NR6A1: variants seen among roughly 807,000 people sequenced by gnomAD.
NR6A1 encodes retinoic acid receptor-related testis-associated receptor.
In NR6A1, 7 loss-of-function variants were observed where a neutral mutation model predicts 59.1. That is an observed-to-expected ratio of 0.12 (90% CI 0.07 to 0.22). The LOEUF (loss-of-function observed/expected upper bound fraction) is 0.22, where lower values mean the gene tolerates loss of function less well. Among genes scored for constraint, NR6A1 ranks in the 10% least tolerant of loss-of-function variants. NR6A1 has a pLI of 1.00. For synonymous variants in NR6A1, 243 were observed against 236.1 expected, an observed-to-expected ratio of 1.03 and a Z score of -0.27; for missense variants, 468 against 611.6, an observed-to-expected ratio of 0.77 and a Z score of 2.48.
chr9:124,731,370 G>GAAA (rs779705280), intron 2 of NR6A1, among the ~76,000 whole-genome samples: 1 of 108,810 alleles, frequency 9.2e-6, no homozygotes, highest in Non-Finnish European at 1.9e-5. Flanking sequence ...ACTCCATCTC[G>GAAA]AAAAAAAAAA....
intron 2 of NR6A1, among the ~76,000 whole-genome samples, chr9:124,669,358 C>T (rs185080325): frequency 6.6e-6 from 1 of 151,970 alleles, no homozygotes; most frequent in Non-Finnish European, 1.5e-5. Context: ...AACAAATAAC[C>T]AAAAATGGCA....
At chr9:124,563,338 G>A (rs1282013941) in intron 2 of NR6A1, among the ~76,000 whole-genome samples, 1 of 152,136 alleles carries the variant, frequency 6.6e-6, no homozygotes, top group Non-Finnish European at 1.5e-5. Flanking sequence ...AGTGTGCAGT[G>A]GAGTACTGGA....
chr9:124,766,051 A>C (rs954110995), intron 1 of NR6A1, among the ~76,000 whole-genome samples: 2 of 152,214 alleles, frequency 1.3e-5, no homozygotes, highest in African/African-American at 4.8e-5. Context: ...GATTCTAGAA[A>C]TACTGTATAT....
chr9:124,583,671 C>T (rs1384402447), intron 2 of NR6A1, among the ~76,000 whole-genome samples: 2 of 152,154 alleles, frequency 1.3e-5, no homozygotes, highest in Non-Finnish European at 2.9e-5. Flanking sequence ...GAACTCACGG[C>T]ATACTCGGTC....
intron 2 of NR6A1, among the ~76,000 whole-genome samples, chr9:124,620,104 T>A (rs1175571358): frequency 6.6e-6 from 1 of 152,204 alleles, no homozygotes; most frequent in Non-Finnish European, 1.5e-5. Context: ...TTGTTTTATA[T>A]ACATATATAA....
intron 2 of NR6A1, among the ~76,000 whole-genome samples, chr9:124,583,669 G>A (rs111480481): frequency 4.6e-4 from 70 of 152,062 alleles, no homozygotes; most frequent in African/African-American, 1.6e-3. Context: ...TAGAACTCAC[G>A]GCATACTCGG....
At chr9:124,627,376 T>C (rs974820203) in intron 2 of NR6A1, among the ~76,000 whole-genome samples, 1 of 152,146 alleles carries the variant, frequency 6.6e-6, no homozygotes, top group Non-Finnish European at 1.5e-5. Flanking sequence ...TTTATTTCCA[T>C]ACCATTTTTT....
chr9:124,732,259 A>G (rs963667623), intron 2 of NR6A1, among the ~76,000 whole-genome samples: 1 of 152,236 alleles, frequency 6.6e-6, no homozygotes, highest in Non-Finnish European at 1.5e-5. Flanking sequence ...CAGCCGTAAC[A>G]AAGTACTACA....
chr9:124,610,085 C>T (rs1276648698), intron 2 of NR6A1, among the ~76,000 whole-genome samples: 1 of 152,094 alleles, frequency 6.6e-6, no homozygotes, highest in African/African-American at 2.4e-5. Flanking sequence ...ATTTGAATAC[C>T]TTTATTTCTT....
At chr9:124,564,741 A>G (rs942433002) in intron 2 of NR6A1, among the ~76,000 whole-genome samples, 1 of 151,654 alleles carries the variant, frequency 6.6e-6, no homozygotes, top group Non-Finnish European at 1.5e-5. Flanking sequence ...TGAAATGTAT[A>G]CGGAAATGCA....
chr9:124,667,363 A>G (rs982692343), intron 2 of NR6A1, among the ~76,000 whole-genome samples: 1 of 152,114 alleles, frequency 6.6e-6, no homozygotes, highest in Non-Finnish European at 1.5e-5. Context: ...ATTCATGTAT[A>G]TGAGAATATA....
intron 2 of NR6A1, among the ~76,000 whole-genome samples, chr9:124,560,744 A>G (rs561022344): frequency 6.6e-5 from 10 of 152,168 alleles, no homozygotes; most frequent in African/African-American, 2.4e-4. Context: ...TATTTTTAGT[A>G]GAGACAGGGT....
At position 124,677,187 on chromosome 9, in the gene NR6A1, G is replaced by T. The variant is rs146647034; in HGVS notation, c.142+56121C>A. On this transcript the variant is annotated intron_variant, in intron 2 of 9. Transcript: ENST00000487099. ...GTGATAGGATTATGTTTCCTATCAT[G>T]AAATATTTCAAATTTTCATATATGG... 5.9e-4 allele frequency among the ~76,000 whole-genome samples: 90 copies of T among 152,236 alleles called. 1 individual carries two copies. In the East Asian group the frequency reaches 0.017, roughly 28 times the overall value.
At chr9:124,665,396 T>C (rs1277441806) in intron 2 of NR6A1, among the ~76,000 whole-genome samples, 1 of 152,154 alleles carries the variant, frequency 6.6e-6, no homozygotes, top group East Asian at 1.9e-4. Flanking sequence ...AATGGAGTCA[T>C]CAAGCCATTA....
intron 2 of NR6A1, among the ~76,000 whole-genome samples, chr9:124,665,686 G>A (rs1236432621): frequency 1.3e-5 from 2 of 152,144 alleles, no homozygotes; most frequent in Admixed American, 1.3e-4. Flanking sequence ...AATGACACAT[G>A]CTATAATGAT....
intron 2 of NR6A1, among the ~76,000 whole-genome samples, chr9:124,669,347 A>T (rs1837719156): frequency 6.6e-6 from 1 of 152,254 alleles, no homozygotes; most frequent in Non-Finnish European, 1.5e-5. Context: ...TTATCAAGGT[A>T]AACAAATAAC....
chr9:124,609,695 T>C (rs185618364), intron 2 of NR6A1, among the ~76,000 whole-genome samples: 1 of 152,324 alleles, frequency 6.6e-6, no homozygotes, highest in East Asian at 1.9e-4. Flanking sequence ...TAAATAACTT[T>C]AGGTGGTATG....
At chr9:124,745,470 GAGACCAGCCTGCCCAAC>G (rs1840301193) in intron 1 of NR6A1, among the ~76,000 whole-genome samples, 1 of 148,314 alleles carries the variant, frequency 6.7e-6, no homozygotes, top group Admixed American at 6.7e-5. Flanking sequence ...TCGGGAGTTT[GAGACCAGCCTGCCCAAC>G]ATGGACAAAC....
Position 124,689,148 on chromosome 9 carries a change from A to C in NR6A1, c.142+44160T>G, listed in dbSNP as rs553647910. Reference sequence around the variant, plus strand: ...TGGCCTGGAAGCCAAATACTGGGGAAAACAAGCAATTTTATTTATTAACAT... The same window carrying C: ...TGGCCTGGAAGCCAAATACTGGGGACAACAAGCAATTTTATTTATTAACAT... On this transcript the variant is annotated intron_variant, in intron 2 of 9. Coordinates refer to ENST00000487099, the MANE Select transcript of NR6A1 (RefSeq NM_033334.4). Among the ~76,000 whole-genome samples the C allele has an allele frequency of 4.6e-5, 7 of 152,342 alleles. No individual in the cohort carries two copies. The East Asian group carries it at 1.2e-3, about 25-fold the overall frequency.
Sources: gnomAD v4.1 joint callset for allele counts (sites outside exome capture counted in the v4.1 genomes callset) on GRCh38, gnomAD v4.1.1 for gene constraint, MANE v1.5 for transcripts, NCBI Gene and HGNC (gene_info 2026-07-23, HGNC 2026-07-21) for gene names.